Variants in PDE1C observed in about 807,000 individuals in gnomAD.
PDE1C encodes the protein dual specificity calcium/calmodulin-dependent 3',5'-cyclic nucleotide phosphodiesterase 1C.
PDE1C carries 62 observed loss-of-function variants against 93.1 expected under a neutral mutation model. The observed-to-expected ratio is 0.67, with a 90% CI of 0.54 to 0.82. The LOEUF (loss-of-function observed/expected upper bound fraction) is 0.82. Among genes scored for constraint, PDE1C ranks in the 40% least tolerant of loss-of-function variants. The probability of loss-of-function intolerance (pLI) is 0.00; values close to 1 mark genes in which losing one functional copy is unlikely to be tolerated. For synonymous variants in PDE1C, 325 were observed against 310.1 expected (o/e 1.05, Z -0.50); for missense variants, 742 against 884.6 (o/e 0.84, Z 2.04).
At chr7:31,846,449 C>G (rs1157113160) in intron 9 of PDE1C, among the ~76,000 whole-genome samples, 1 of 151,804 alleles carries the variant, frequency 6.6e-6, no homozygotes, top group East Asian at 1.9e-4. Flanking sequence ...GAAACTGGAC[C>G]CCTTCCTTAT....
At chr7:32,278,624 A>T (rs763303765) in intron 1 of PDE1C, among the ~76,000 whole-genome samples, 3 of 152,270 alleles carry the variant, frequency 2.0e-5, no homozygotes, top group African/African-American at 7.2e-5. Context: ...TATGAAAATT[A>T]GTCAGGCTTC....
intron 1 of PDE1C, among the ~76,000 whole-genome samples, chr7:32,328,545 C>T (rs1230973453): frequency 6.6e-6 from 1 of 152,146 alleles, no homozygotes; most frequent in Non-Finnish European, 1.5e-5. Flanking sequence ...CACACTGCCT[C>T]CTTCCTCTTC....
At chr7:32,142,235 G>A (rs1417078991) in intron 3 of PDE1C, among the ~76,000 whole-genome samples, 1 of 152,120 alleles carries the variant, frequency 6.6e-6, no homozygotes, top group Non-Finnish European at 1.5e-5. Flanking sequence ...AATAGGAAGA[G>A]GGGAGAAGGG....
At chr7:31,998,556 C>G (rs1394076830) in intron 2 of PDE1C, among the ~76,000 whole-genome samples, 1 of 151,972 alleles carries the variant, frequency 6.6e-6, no homozygotes, top group African/African-American at 2.4e-5. Flanking sequence ...TATTAGTGAT[C>G]CATAAAAGAA....
intron 15 of PDE1C, among the ~76,000 whole-genome samples, chr7:31,810,178 A>G (rs1190996206): frequency 6.6e-6 from 1 of 152,150 alleles, no homozygotes; most frequent in East Asian, 1.9e-4. Context: ...CCAGTATTAC[A>G]TGAAAAGGTC....
chr7:32,025,124 G>A (rs1295368566), intron 2 of PDE1C, among the ~76,000 whole-genome samples: 3 of 152,120 alleles, frequency 2.0e-5, no homozygotes, highest in African/African-American at 4.8e-5. Context: ...ACACAGAGCA[G>A]AATCTGGGCC....
chr7:31,942,123 C>A (rs1411812459), intron 2 of PDE1C, among the ~76,000 whole-genome samples: 1 of 152,120 alleles, frequency 6.6e-6, no homozygotes, highest in African/African-American at 2.4e-5. Flanking sequence ...AAGACAGTCA[C>A]TAAATGTCTT....
At position 32,245,598 on chromosome 7, in the gene PDE1C, A is replaced by G. The variant is rs960897055; in HGVS notation, c.86-36059T>C. 4.6e-5 allele frequency among the ~76,000 whole-genome samples: 7 copies of G among 152,302 alleles called. No individual in the cohort carries two copies. In the East Asian group the frequency reaches 5.8e-4, roughly 13 times the overall value. On this transcript the variant is annotated intron_variant, in intron 1 of 18. Coordinates refer to the PDE1C transcript ENST00000396193. ...AGCTTATTGAGCAGTTTATGGCCCT[A>G]TGTTTTCTCTCCCAGGTGTATCAGC...
intron 3 of PDE1C, among the ~76,000 whole-genome samples, chr7:32,140,046 A>G (rs1281091861): frequency 7.2e-5 from 11 of 152,202 alleles, no homozygotes; most frequent in Admixed American, 7.2e-4. Context: ...ATGTGCAATA[A>G]CATAAATATT....
chr7:32,318,639 C>T (rs765792692), intron 1 of PDE1C, among the ~76,000 whole-genome samples: 1 of 152,196 alleles, frequency 6.6e-6, no homozygotes, highest in Admixed American at 6.5e-5. Context: ...GTCTTTTCAC[C>T]AGGACGCAGG....
At chr7:31,652,165 C>A in the PDE1C span, 1 of 824,378 alleles carries the variant, frequency 1.2e-6, no homozygotes, top group Non-Finnish European at 2.0e-6. Context: ...ATGCCAACAC[C>A]TTCATTTTAA....
chr7:32,031,613 T>G (rs1393783670), intron 2 of PDE1C, among the ~76,000 whole-genome samples: 1 of 152,210 alleles, frequency 6.6e-6, no homozygotes, highest in African/African-American at 2.4e-5. Flanking sequence ...TAGCTTATTA[T>G]AGGCAGGGAT....
intron 1 of PDE1C, among the ~76,000 whole-genome samples, chr7:32,059,173 T>C (rs1235209002): frequency 1.3e-5 from 2 of 152,260 alleles, no homozygotes; most frequent in East Asian, 3.9e-4. Flanking sequence ...CTCCAGTATG[T>C]TTAGCCAAAA....
chr7:32,056,021 G>C (rs750384936), intron 1 of PDE1C, among the ~76,000 whole-genome samples: 4 of 152,108 alleles, frequency 2.6e-5, no homozygotes, highest in African/African-American at 9.7e-5. Context: ...TTCCTGGCTT[G>C]TTTTTAAAAT....
intron 1 of PDE1C, among the ~76,000 whole-genome samples, chr7:32,422,324 T>A (rs565282115): frequency 1.3e-5 from 2 of 152,352 alleles, no homozygotes; most frequent in East Asian, 3.9e-4. Flanking sequence ...TTGTTTTTCA[T>A]TTGTTTATAA....
intron 1 of PDE1C, among the ~76,000 whole-genome samples, chr7:32,395,785 A>C (rs1211067770): frequency 1.3e-5 from 2 of 152,178 alleles, no homozygotes; most frequent in South Asian, 2.1e-4. Flanking sequence ...GATATAATAA[A>C]ATTTGTTAGA....
chr7:32,361,044 G>C (rs772987260), intron 1 of PDE1C, among the ~76,000 whole-genome samples: 15 of 152,268 alleles, frequency 9.9e-5, no homozygotes, highest in African/African-American at 2.9e-4. Flanking sequence ...GGGGAGGATG[G>C]GGAGCGAAAA....
chr7:32,012,679 T>C (rs961670223), intron 2 of PDE1C, among the ~76,000 whole-genome samples: 2 of 152,190 alleles, frequency 1.3e-5, no homozygotes, highest in Non-Finnish European at 2.9e-5. Context: ...ATGATCTTTA[T>C]CCTGAATATA....
intron 3 of PDE1C, among the ~76,000 whole-genome samples, chr7:32,164,050 C>A (rs1802074383): frequency 6.6e-6 from 1 of 152,178 alleles, no homozygotes; most frequent in Non-Finnish European, 1.5e-5. Flanking sequence ...AGATTGTTTG[C>A]AAATTCATAC....
Sources: allele counts gnomAD v4.1 joint callset (sites outside exome capture counted in the v4.1 genomes callset), GRCh38; gene constraint gnomAD v4.1.1; transcripts MANE v1.5; gene names NCBI Gene and HGNC (gene_info 2026-07-23, HGNC 2026-07-21).